The following NOL11 variants were observed in gnomAD, a reference collection of about 807,000 sequenced individuals.
The protein encoded by NOL11 is nucleolar protein 11.
In NOL11, 42 loss-of-function variants were observed where a neutral mutation model predicts 93.0. The ratio of observed to expected loss-of-function variants is 0.45; its 90% CI spans 0.35 to 0.58. NOL11 has a LOEUF of 0.58. Among genes scored for constraint, NOL11 ranks in the 20% least tolerant of loss-of-function variants. NOL11 has a pLI of 0.00. For missense variants in NOL11, 775 were observed against 841.8 expected, an observed-to-expected ratio of 0.92 and a Z score of 0.98; for synonymous variants, 296 against 293.7, an observed-to-expected ratio of 1.01 and a Z score of -0.08.
intron 13 of NOL11, 46 bp downstream of exon 13, chr17:67,738,018 C>A (rs556799974): frequency 3.2e-6 from 5 of 1,566,452 alleles, no homozygotes; most frequent in Non-Finnish European, 4.3e-6. Context: ...CATTTATAAT[C>A]TGTTACATTA....
intron 12 of NOL11, 30 bp from the exon 13 acceptor site, chr17:67,737,817 G>A: frequency 2.5e-6 from 4 of 1,602,796 alleles, no homozygotes; most frequent in Non-Finnish European, 3.4e-6. Flanking sequence ...TTCTTAATAT[G>A]TAATAGTGAT....
chr17:67,737,425 G>A, intron 11 of NOL11, 83 bp from the exon 12 acceptor site: 2 of 1,169,322 alleles, frequency 1.7e-6, no homozygotes, highest in Non-Finnish European at 2.4e-6. Context: ...AGTCATTTGA[G>A]AAAATGTTGT....
intron 7 of NOL11, among the ~76,000 whole-genome samples, chr17:67,734,042 A>T (rs1385502245): frequency 1.3e-5 from 2 of 152,098 alleles, no homozygotes; most frequent in African/African-American, 2.4e-5. Flanking sequence ...TTATATTTTG[A>T]AAGAGTTTGG....
chr17:67,737,185 G>A (rs867882537), intron 11 of NOL11, 40 bp downstream of exon 11: 1 of 1,245,312 alleles, frequency 8.0e-7, no homozygotes, highest in Admixed American at 1.7e-5. Flanking sequence ...TCAAACTCAA[G>A]TGTTCCAAAG....
intron 1 of NOL11, 49 bp from the exon 2 acceptor site, chr17:67,719,625 A>C (rs755002133): frequency 1.8e-5 from 17 of 952,230 alleles, no homozygotes; most frequent in Non-Finnish European, 2.8e-5. Context: ...ATTGCTTTTA[A>C]TGTTTGAAGT....
chr17:67,729,723 C>T (rs186009248), intron 7 of NOL11, among the ~76,000 whole-genome samples: 9 of 151,928 alleles, frequency 5.9e-5, no homozygotes, highest in South Asian at 2.1e-4. Flanking sequence ...GGAATACAGG[C>T]GCCCACCACC....
chr17:67,740,711 T>C (rs1290664729), intron 16 of NOL11: 3 of 154,442 alleles, frequency 1.9e-5, no homozygotes, highest in African/African-American at 7.2e-5. Flanking sequence ...TCTTTGGACA[T>C]GTAAGAATTG....
intron 1 of NOL11, chr17:67,719,230 C>T (rs2043199205): frequency 6.6e-6 from 1 of 151,118 alleles, no homozygotes; most frequent in Admixed American, 6.6e-5. Context: ...GAAATCCTGT[C>T]TCTGCTAAAA....
chr17:67,735,860 GA>G lies in NOL11; in HGVS notation c.931-33del, dbSNP rs746612433. ...CTTTATTGAGTCATACCTTAGAAGA[GA>G]AAAAAATTTGCTTATGTTTTTGATA... On this transcript the variant is annotated intron_variant, in intron 8 of 17. Transcript: ENST00000253247. 28 of 1,573,128 alleles carry G rather than the reference GA, an allele frequency of 1.8e-5. No individual in the cohort carries two copies. The African/African-American group carries it at 2.4e-4, about 14-fold the overall frequency.
rs1414896276 is a variant in NOL11, at chr17:67,744,008, T to C, written c.*149T>C. On this transcript the variant is annotated 3_prime_UTR_variant, in exon 18 of 18. Coordinates refer to ENST00000253247, the MANE Select transcript of NOL11 (RefSeq NM_015462.5). The stretch of plus-strand genomic sequence containing the variant: ...ACCTGGACCATCACTTAACTGATGC[T>C]CCGGGGTAGGACTGCAGGTTTCACA... 4 of 452,058 alleles carry C rather than the reference T, an allele frequency of 8.8e-6. No individual in the cohort carries two copies. The highest frequency in any genetic ancestry group is 7.8e-6 in the Non-Finnish European group (2 of 255,798). The allele number at this position is 452,058 out of a possible 1,614,324, so 28.0% of individuals were successfully genotyped here.
At chr17:67,730,181 CT>C (rs1468534757) in intron 7 of NOL11, among the ~76,000 whole-genome samples, 1 of 152,042 alleles carries the variant, frequency 6.6e-6, no homozygotes, top group Non-Finnish European at 1.5e-5. Flanking sequence ...CTATTTCCAC[CT>C]TTTGGTTATT....
intron 16 of NOL11, among the ~76,000 whole-genome samples, chr17:67,741,898 T>C (rs1019087505): frequency 2.0e-5 from 3 of 152,184 alleles, no homozygotes; most frequent in Admixed American, 1.3e-4. Context: ...CCTGGACCAG[T>C]AGACATACAT....
In NOL11 at chr17:67,743,448, A is replaced by G. The variant is rs750671024; in HGVS notation, c.1936-31A>G. On this transcript the variant is annotated intron_variant, in intron 16 of 17. Transcript: ENST00000253247. Reference sequence around the variant, plus strand: ...GAATTAACCTGAAGTTAAATTTAAAATCTTAACTTCCTTTTCCTATTCATC... The same window carrying G: ...GAATTAACCTGAAGTTAAATTTAAAGTCTTAACTTCCTTTTCCTATTCATC... The G allele has an allele frequency of 4.0e-6, 4 of 1,008,870 alleles. No individual in the cohort carries two copies. In the South Asian group the frequency reaches 5.8e-5, roughly 15 times the overall value. The allele number at this position is 1,008,870 out of a possible 1,614,324, so 62.5% of individuals were successfully genotyped here. A position where few individuals can be genotyped will look rare whatever the true frequency, so the allele number is the denominator to read the frequency against.
At chr17:67,720,124 G>A (rs1336945964) in intron 3 of NOL11, among the ~76,000 whole-genome samples, 162 bp downstream of exon 3, 2 of 152,104 alleles carry the variant, frequency 1.3e-5, no homozygotes, top group Non-Finnish European at 2.9e-5. Flanking sequence ...TTGGTAACAT[G>A]TCTCCATGAG....
chr17:67,719,833 T>C (rs1567797669), intron 2 of NOL11, 46 bp downstream of exon 2: 2 of 1,466,568 alleles, frequency 1.4e-6, no homozygotes, highest in Non-Finnish European at 1.9e-6. Context: ...TAAATGTTGA[T>C]TATTAACTAT....
chr17:67,730,905 G>T (rs1399909009), intron 7 of NOL11, among the ~76,000 whole-genome samples: 4 of 152,226 alleles, frequency 2.6e-5, no homozygotes, highest in Non-Finnish European at 5.9e-5. Flanking sequence ...AGTGGTTCCA[G>T]TTTCCCTGCA....
chr17:67,730,991 C>T (rs969568499), intron 7 of NOL11, among the ~76,000 whole-genome samples: 5 of 152,248 alleles, frequency 3.3e-5, no homozygotes, highest in South Asian at 2.1e-4. Context: ...TACTTCATTT[C>T]GGTTTTGATT....
chr17:67,735,979 C>T lies in NOL11; in HGVS notation c.1010C>T (p.Ser337Leu). 1 of 1,610,980 alleles carries T rather than the reference C, an allele frequency of 6.2e-7. No homozygotes were observed. Among genetic ancestry groups the T allele is most frequent in the South Asian group, 1.1e-5 (1 of 90,608 alleles). ...ATTCCATACAAGTGTGAAGTGTCAT[C>T]ATTAGCAGGTGCTCTTGGAAAACTC... Reference protein sequence around the residue: ...TVIPYKCEVSSLAGALGKLKH... With the variant: ...TVIPYKCEVSLLAGALGKLKH... The change falls in exon 9 of 18, where the codon TCA (serine) becomes TTA (leucine). Residue 337 changes from serine to leucine, a missense_variant. This residue lies in a region of NOL11 where 416 missense variants were observed against 525.2 expected (regional missense o/e 0.79). Coordinates refer to ENST00000253247, the MANE Select transcript of NOL11 (RefSeq NM_015462.5).
Position 67,738,256 on chromosome 17 carries a change from A to G in NOL11, c.1664A>G (p.Asp555Gly). ...CAAAATGGCTTCAATCCTGAAGAAG[A>G]TAAATGCAATAACTGTGATCAAGAG... ...ILQNGFNPEE[D>G]KCNNCDQELN... Residue 555 changes from aspartate (D) to glycine (G), a missense_variant, in exon 14 of 18, where the codon GAT (aspartate) becomes GGT (glycine). By Grantham distance (94) the Asp-to-Gly change is moderately conservative. Around this residue, in one of 2 missense-constraint regions of NOL11, gnomAD observed 416 missense variants for 525.2 expected, o/e 0.79. Transcript: ENST00000253247. 1.9e-6 allele frequency: 3 copies of G among 1,613,896 alleles called. No homozygotes were observed. Among genetic ancestry groups the G allele is most frequent in the South Asian group, 1.1e-5 (1 of 91,080 alleles).
Sources: gnomAD v4.1 joint callset for allele counts (sites outside exome capture counted in the v4.1 genomes callset) on GRCh38, gnomAD v4.1.1 for gene constraint, gnomAD v4.1.1 regional missense constraint, MANE v1.5 for transcripts, NCBI Gene and HGNC (gene_info 2026-07-23, HGNC 2026-07-21) for gene names.